SNTB1: variants seen among roughly 807,000 people sequenced by gnomAD.
SNTB1 encodes beta-1-syntrophin.
A neutral mutation model predicts 48.9 loss-of-function variants in SNTB1; 36 were observed. The ratio of observed to expected loss-of-function variants is 0.74; its 90% CI spans 0.56 to 0.97. SNTB1 has a LOEUF of 0.97. Among genes scored for constraint, SNTB1 ranks in the 50% least tolerant of loss-of-function variants. The pLI, the probability that SNTB1 is intolerant of heterozygous loss-of-function variation, is 0.00. For synonymous variants in SNTB1, 299 were observed against 294.6 expected, an observed-to-expected ratio of 1.01 and a Z score of -0.15; for missense variants, 786 against 703.4, an observed-to-expected ratio of 1.12 and a Z score of -1.33.
At chr8:120,703,768 G>A (rs1818341513) in intron 1 of SNTB1, among the ~76,000 whole-genome samples, 1 of 152,172 alleles carries the variant, frequency 6.6e-6, no homozygotes, top group Non-Finnish European at 1.5e-5. Context: ...AGGCCAGGGT[G>A]GACCCACGGG....
chr8:120,711,551 C>A lies in SNTB1; in HGVS notation c.572-17643G>T, dbSNP rs562121555. ...TGTAAACAAACAGTAGCTGTGCAGG[C>A]CGTCAGGTGTTTTGCACCAAAGAAT... On this transcript the variant is annotated intron_variant, in intron 1 of 6. Transcript: ENST00000517992. 5.9e-5 allele frequency among the ~76,000 whole-genome samples: 9 copies of A among 152,304 alleles called. No individual in the cohort carries two copies. The South Asian group carries it at 1.9e-3, about 32-fold the overall frequency.
chr8:120,810,635 C>T (rs1820408309), intron 1 of SNTB1, among the ~76,000 whole-genome samples: 1 of 152,220 alleles, frequency 6.6e-6, no homozygotes, highest in Non-Finnish European at 1.5e-5. Context: ...TTTCCCAAAA[C>T]TGCAACATAT....
intron 1 of SNTB1, among the ~76,000 whole-genome samples, chr8:120,794,656 T>C (rs548717893): frequency 2.7e-4 from 41 of 152,032 alleles, no homozygotes; most frequent in Non-Finnish European, 5.4e-4. Context: ...TATTTGGTAA[T>C]ATTAGTTTTT....
chr8:120,700,430 A>G (rs1365564194), intron 1 of SNTB1, among the ~76,000 whole-genome samples: 1 of 152,214 alleles, frequency 6.6e-6, no homozygotes, highest in Admixed American at 6.5e-5. Context: ...AATTTCAGGC[A>G]AAGAGCTGTT....
At chr8:120,734,244 G>A (rs1818901347) in intron 1 of SNTB1, among the ~76,000 whole-genome samples, 1 of 152,052 alleles carries the variant, frequency 6.6e-6, no homozygotes, top group Non-Finnish European at 1.5e-5. Flanking sequence ...AGGAGGTGGA[G>A]ACCAGCCTGG....
At chr8:120,556,657 C>A (rs1273363300) in intron 4 of SNTB1, among the ~76,000 whole-genome samples, 1 of 152,102 alleles carries the variant, frequency 6.6e-6, no homozygotes, top group Non-Finnish European at 1.5e-5. Flanking sequence ...GGCCATCAGA[C>A]AAGATAAGAT....
chr8:120,798,002 T>C (rs1329962817), intron 1 of SNTB1, among the ~76,000 whole-genome samples: 1 of 151,886 alleles, frequency 6.6e-6, no homozygotes, highest in Non-Finnish European at 1.5e-5. Flanking sequence ...AAAAGAGAGG[T>C]GTGCTAAAAA....
At chr8:120,639,225 T>A (rs1005358188) in intron 2 of SNTB1, among the ~76,000 whole-genome samples, 4 of 152,238 alleles carry the variant, frequency 2.6e-5, no homozygotes, top group African/African-American at 9.6e-5. Flanking sequence ...CTTTGCTCAC[T>A]TTTTGATGGG....
chr8:120,749,835 C>T (rs1790116818), intron 1 of SNTB1, among the ~76,000 whole-genome samples: 1 of 152,112 alleles, frequency 6.6e-6, no homozygotes, highest in Admixed American at 6.6e-5. Context: ...TTCCTGTGAA[C>T]TTACCTAACT....
intron 4 of SNTB1, among the ~76,000 whole-genome samples, chr8:120,563,681 T>C (rs1485447362): frequency 6.6e-6 from 1 of 152,182 alleles, no homozygotes; most frequent in African/African-American, 2.4e-5. Flanking sequence ...AGGGCATAAC[T>C]TGATTTAGAA....
chr8:120,705,728 G>A (rs867023931), intron 1 of SNTB1, among the ~76,000 whole-genome samples: 5 of 152,170 alleles, frequency 3.3e-5, no homozygotes, highest in South Asian at 2.1e-4. Flanking sequence ...TAGTGAGATC[G>A]ATTCACAGAT....
At chr8:120,554,112 G>T (rs2130658546) in intron 4 of SNTB1, among the ~76,000 whole-genome samples, 1 of 152,288 alleles carries the variant, frequency 6.6e-6, no homozygotes, top group Non-Finnish European at 1.5e-5. Flanking sequence ...TCCCGGGGAG[G>T]TCCACTGCCT....
At chr8:120,569,083 C>A (rs1310273352) in intron 4 of SNTB1, among the ~76,000 whole-genome samples, 1 of 152,194 alleles carries the variant, frequency 6.6e-6, no homozygotes, top group Non-Finnish European at 1.5e-5. Flanking sequence ...CAGGTTCAAG[C>A]GATTCTCATG....
intron 3 of SNTB1, 113 bp downstream of exon 3, chr8:120,632,331 A>G (rs1816995680): frequency 6.9e-6 from 7 of 1,011,536 alleles, no homozygotes; most frequent in Non-Finnish European, 1.0e-5. Context: ...TGAGAAATCC[A>G]CACAGACTGT....
At chr8:120,699,411 C>T (rs1353620575) in intron 1 of SNTB1, among the ~76,000 whole-genome samples, 1 of 152,118 alleles carries the variant, frequency 6.6e-6, no homozygotes, top group Non-Finnish European at 1.5e-5. Context: ...TGAGTTCTCA[C>T]CCAGTTGGTT....
At chr8:120,766,358 A>G (rs549395075) in intron 1 of SNTB1, among the ~76,000 whole-genome samples, 6 of 151,984 alleles carry the variant, frequency 3.9e-5, no homozygotes, top group Non-Finnish European at 8.8e-5. Context: ...TAAAGCCCAC[A>G]CTCTTACCAC....
At position 120,733,436 on chromosome 8, in the gene SNTB1, C is replaced by T. The variant is rs371647106; in HGVS notation, c.572-39528G>A. Among the ~76,000 whole-genome samples, 15 of 152,368 alleles carry T rather than the reference C, an allele frequency of 9.8e-5. No homozygotes were observed. The East Asian group carries it at 2.5e-3, about 25-fold the overall frequency. On this transcript the variant is annotated intron_variant, in intron 1 of 6. Coordinates refer to ENST00000517992, the MANE Select transcript of SNTB1 (RefSeq NM_021021.4). ...GCTCTGTGGAATTACAGGGCCCAGG[C>T]TCAATGATTCTGGAGCTCCAAGCAA... is the stretch of plus-strand genomic sequence containing the variant.
intron 1 of SNTB1, among the ~76,000 whole-genome samples, chr8:120,696,235 T>C (rs1173228162): frequency 6.6e-6 from 1 of 152,114 alleles, no homozygotes; most frequent in Non-Finnish European, 1.5e-5. Context: ...TAGGGATGAG[T>C]GTTGCAGGAG....
At chr8:120,788,467 C>A (rs1202758875) in intron 1 of SNTB1, among the ~76,000 whole-genome samples, 1 of 151,956 alleles carries the variant, frequency 6.6e-6, no homozygotes, top group African/African-American at 2.4e-5. Context: ...AAATCATAAA[C>A]CAAATATCTG....
Sources: allele counts gnomAD v4.1 joint callset (sites outside exome capture counted in the v4.1 genomes callset), GRCh38; gene constraint gnomAD v4.1.1; transcripts MANE v1.5; gene names NCBI Gene and HGNC (gene_info 2026-07-23, HGNC 2026-07-21).